Variants in IL1RAPL2 observed in about 807,000 individuals in gnomAD.
IL1RAPL2 encodes X-linked interleukin-1 receptor accessory protein-like 2.
Under a neutral mutation model 44.1 loss-of-function variants are expected in IL1RAPL2, and 3 were observed. The observed-to-expected ratio is 0.07, with a 90% CI of 0.03 to 0.18. IL1RAPL2 has a LOEUF of 0.18. IL1RAPL2 is among the 10% of genes least tolerant of loss of function. The pLI, the probability that IL1RAPL2 is intolerant of heterozygous loss-of-function variation, is 1.00. For synonymous variants in IL1RAPL2, 181 were observed against 178.8 expected (o/e 1.01, Z -0.10); for missense variants, 391 against 496.4 (o/e 0.79, Z 2.02).
intron 8 of IL1RAPL2, among the ~76,000 whole-genome samples, chrX:105,746,501 T>G (rs1381588568): frequency 8.9e-6 from 1 of 112,234 alleles, no homozygotes; most frequent in African/African-American, 3.2e-5. Flanking sequence ...AGGATAGATG[T>G]TTCCCTTTTG....
In IL1RAPL2 at chrX:105,370,628, T is replaced by C. The variant is rs1366455391; in HGVS notation, c.697+103087T>C. ...ACATTTTCTTTACCTAGTCTACCAT[T>C]GATAGGTACTTAGGTTGATTCCATG... On this transcript the variant is annotated intron_variant, in intron 5 of 10. Transcript: ENST00000372582. Among the ~76,000 whole-genome samples, 5 of 112,400 alleles carry C rather than the reference T, an allele frequency of 4.4e-5. No homozygotes were observed. The Admixed American group carries it at 4.7e-4, about 11-fold the overall frequency.
intron 3 of IL1RAPL2, among the ~76,000 whole-genome samples, chrX:105,213,536 C>G (rs1042213376): frequency 7.2e-5 from 8 of 110,831 alleles, no homozygotes; most frequent in African/African-American, 2.6e-4. Flanking sequence ...AGAATGGAAC[C>G]AAGTTGGAAA....
At chrX:105,178,841 A>G (rs1009014728) in intron 2 of IL1RAPL2, among the ~76,000 whole-genome samples, 1 of 111,192 alleles carries the variant, frequency 9.0e-6, no homozygotes, top group African/African-American at 3.3e-5. Flanking sequence ...CAATGGAGTT[A>G]TGTTTTTTTC....
At chrX:105,752,889 C>T (rs2038607760) in intron 9 of IL1RAPL2, 1 of 325,087 alleles carries the variant, frequency 3.1e-6, no homozygotes, top group African/African-American at 2.7e-5. Flanking sequence ...GGCCAGCCAC[C>T]ATAAGCTCTT....
At chrX:105,583,286 C>T (rs956524293) in intron 6 of IL1RAPL2, among the ~76,000 whole-genome samples, 3 of 109,865 alleles carry the variant, frequency 2.7e-5, no homozygotes, top group African/African-American at 9.9e-5. Flanking sequence ...TGGCGCGTGA[C>T]ATCACTCCCG....
intron 5 of IL1RAPL2, among the ~76,000 whole-genome samples, chrX:105,397,427 G>C (rs2035572160): frequency 1.8e-5 from 2 of 110,139 alleles, no homozygotes; most frequent in African/African-American, 6.6e-5. Context: ...AGTACATTAA[G>C]GAGTAAATTG....
intron 2 of IL1RAPL2, among the ~76,000 whole-genome samples, chrX:104,843,561 C>A (rs748637156): frequency 9.0e-6 from 1 of 111,221 alleles, no homozygotes; most frequent in Non-Finnish European, 1.9e-5. Flanking sequence ...CTCTGCTGAT[C>A]TGCAGATTGC....
intron 5 of IL1RAPL2, among the ~76,000 whole-genome samples, chrX:105,283,778 A>G (rs936330375): frequency 9.0e-6 from 1 of 110,974 alleles, no homozygotes; most frequent in African/African-American, 3.3e-5. Flanking sequence ...TAAAATTTGG[A>G]GCTGTCTGTA....
chrX:104,967,830 C>T (rs1032416428), intron 2 of IL1RAPL2, among the ~76,000 whole-genome samples: 1 of 110,857 alleles, frequency 9.0e-6, no homozygotes, highest in African/African-American at 3.3e-5. Context: ...AAAAACATAA[C>T]TTCCCTAGAC....
intron 4 of IL1RAPL2, among the ~76,000 whole-genome samples, chrX:105,256,352 G>A (rs776817196): frequency 1.7e-4 from 18 of 103,831 alleles, no homozygotes; most frequent in South Asian, 4.4e-4. Flanking sequence ...TTTTTGAGAC[G>A]GAGTCTCTCT....
At chrX:105,017,369 T>G (rs1483402608) in intron 2 of IL1RAPL2, among the ~76,000 whole-genome samples, 1 of 111,313 alleles carries the variant, frequency 9.0e-6, no homozygotes, top group African/African-American at 3.3e-5. Flanking sequence ...AGAAAACATT[T>G]TTATTAACTG....
chrX:105,655,010 T>C (rs1457617347), intron 6 of IL1RAPL2, among the ~76,000 whole-genome samples: 1 of 112,284 alleles, frequency 8.9e-6, no homozygotes. Flanking sequence ...TTTCAAGAAA[T>C]TTTAGATTTG....
chrX:105,143,110 A>G (rs2033141606), intron 2 of IL1RAPL2, among the ~76,000 whole-genome samples: 1 of 111,628 alleles, frequency 9.0e-6, no homozygotes, highest in African/African-American at 3.3e-5. Flanking sequence ...TAATTAAACT[A>G]AAGAGCTTCT....
At chrX:105,175,379 GA>G (rs1464082102) in intron 2 of IL1RAPL2, among the ~76,000 whole-genome samples, 4 of 111,161 alleles carry the variant, frequency 3.6e-5, no homozygotes, top group Non-Finnish European at 7.6e-5. Context: ...AAATAACAGT[GA>G]TGCTTCATAA....
chrX:105,730,900 A>G (rs2038400414), intron 7 of IL1RAPL2, among the ~76,000 whole-genome samples: 1 of 111,347 alleles, frequency 9.0e-6, no homozygotes, highest in African/African-American at 3.2e-5. Flanking sequence ...TAGTAAATAC[A>G]GTTAAAAGTT....
At chrX:104,907,520 T>G (rs1417272806) in intron 2 of IL1RAPL2, among the ~76,000 whole-genome samples, 1 of 111,980 alleles carries the variant, frequency 8.9e-6, no homozygotes, top group Non-Finnish European at 1.9e-5. Context: ...TCTCGTTGGT[T>G]TCAAAGAACA....
rs138158287 is a variant in IL1RAPL2 at position 105,395,361 on chromosome X, T to C, written c.698-88952T>C. Reference sequence around the variant, plus strand: ...GAGCCATCATAAAGAAAAAGAGATATTCTTAATTTTTTTTAATTAAAAAAA... The same window carrying C: ...GAGCCATCATAAAGAAAAAGAGATACTCTTAATTTTTTTTAATTAAAAAAA... On this transcript the variant is annotated intron_variant, in intron 5 of 10. Transcript: ENST00000372582. Among the ~76,000 whole-genome samples, 498 of 109,724 alleles carry C rather than the reference T, an allele frequency of 4.5e-3. 7 individuals are homozygous for C. Among genetic ancestry groups the C allele is most frequent in the African/African-American group, 0.016 (468 of 30,185 alleles).
intron 1 of IL1RAPL2, among the ~76,000 whole-genome samples, chrX:104,644,534 C>T (rs1030387308): frequency 4.5e-5 from 5 of 111,299 alleles, no homozygotes; most frequent in Non-Finnish European, 9.4e-5. Context: ...TCCACTTGAG[C>T]TCCAGAAACC....
chrX:104,655,367 A>G (rs1410569125), intron 1 of IL1RAPL2, among the ~76,000 whole-genome samples: 1 of 111,549 alleles, frequency 9.0e-6, no homozygotes, highest in Non-Finnish European at 1.9e-5. Flanking sequence ...GTTTATTGAG[A>G]GTTTTTAGCA....
Sources: gnomAD v4.1 joint callset for allele counts (sites outside exome capture counted in the v4.1 genomes callset) on GRCh38, gnomAD v4.1.1 for gene constraint, MANE v1.5 for transcripts, NCBI Gene and HGNC (gene_info 2026-07-23, HGNC 2026-07-21) for gene names.